The following SLC35F4 variants were observed in gnomAD, a reference collection of about 807,000 sequenced individuals.
The protein encoded by SLC35F4 is solute carrier family 35 member F4.
Under a neutral mutation model 44.2 loss-of-function variants are expected in SLC35F4, and 24 were observed. That is an observed-to-expected ratio of 0.54 (90% CI 0.39 to 0.76). SLC35F4 has a LOEUF of 0.76. SLC35F4 is among the 30% of genes least tolerant of loss of function. The pLI, the probability that SLC35F4 is intolerant of heterozygous loss-of-function variation, is 0.00. For missense variants in SLC35F4, 562 were observed against 586.1 expected (o/e 0.96, Z 0.42); for synonymous variants, 238 against 223.6 (o/e 1.06, Z -0.57).
At chr14:57,638,606 G>A (rs116114175) in intron 1 of SLC35F4, among the ~76,000 whole-genome samples, 1 of 152,032 alleles carries the variant, frequency 6.6e-6, no homozygotes, top group African/African-American at 2.4e-5. Context: ...AAGAAATAAA[G>A]TCTCCTTTCA....
intron 1 of SLC35F4, among the ~76,000 whole-genome samples, chr14:57,763,234 C>T (rs904722548): frequency 1.3e-5 from 2 of 152,042 alleles, no homozygotes; most frequent in Non-Finnish European, 2.9e-5. Context: ...TTTGATGATG[C>T]TTTCTGCCAA....
rs1594950796 is a variant in SLC35F4, at chr14:57,747,733, T to C, written c.103+117990A>G. Among the ~76,000 whole-genome samples, 3 of 152,338 alleles carry C rather than the reference T, an allele frequency of 2.0e-5. No individual in the cohort carries two copies. In the Middle Eastern group the frequency reaches 0.01, roughly 518 times the overall value. ...TACTATTATGCTACCTAAAAACATT[T>C]ATAGTAATTTCTTGATGTCATTAAA... On this transcript the variant is annotated intron_variant, in intron 1 of 7. Transcript: ENST00000556826.
intron 1 of SLC35F4, among the ~76,000 whole-genome samples, chr14:57,733,452 T>A (rs76858432): frequency 0.04 from 6,052 of 151,550 alleles, 145 homozygotes; most frequent in South Asian, 0.082. Context: ...AGAAAGATAT[T>A]TAATCAACCA....
intron 1 of SLC35F4, among the ~76,000 whole-genome samples, chr14:57,685,072 A>G (rs1018267652): frequency 6.6e-6 from 1 of 152,168 alleles, no homozygotes; most frequent in African/African-American, 2.4e-5. Context: ...ATAAAAGAGT[A>G]TATAAATATA....
chr14:57,632,012 T>C (rs1343361751), intron 1 of SLC35F4, among the ~76,000 whole-genome samples: 3 of 152,194 alleles, frequency 2.0e-5, no homozygotes, highest in Non-Finnish European at 4.4e-5. Context: ...TCTGAAATAC[T>C]GTTTGTGGAA....
chr14:57,758,445 A>T (rs1052557254), intron 1 of SLC35F4, among the ~76,000 whole-genome samples: 2 of 151,844 alleles, frequency 1.3e-5, no homozygotes, highest in Non-Finnish European at 2.9e-5. Flanking sequence ...GTAATATCTA[A>T]TTTGCCAATA....
At chr14:57,699,536 G>C (rs1214811480) in intron 1 of SLC35F4, among the ~76,000 whole-genome samples, 1 of 152,132 alleles carries the variant, frequency 6.6e-6, no homozygotes, top group Non-Finnish European at 1.5e-5. Context: ...TATTAAGCCA[G>C]GCCTCAAAGG....
At chr14:57,886,139 T>G (rs1457490938) in intron 1 of SLC35F4, among the ~76,000 whole-genome samples, 1 of 152,232 alleles carries the variant, frequency 6.6e-6, no homozygotes, top group Non-Finnish European at 1.5e-5. Context: ...TATTTAAGTC[T>G]AACAACTCCA....
rs144259524 is a variant in SLC35F4, at chr14:57,814,975, A to T, written c.103+50748T>A. ...GTTGGCAAGTTACAGCTCATGGGGC[A>T]AATCCAGCCATTCTTCTGTATTTGT... On this transcript the variant is annotated intron_variant, in intron 1 of 7. Coordinates refer to ENST00000556826, the MANE Select transcript of SLC35F4 (RefSeq NM_001306087.2). Among the ~76,000 whole-genome samples the T allele has an allele frequency of 7.0e-3, 1,064 of 152,316 alleles. 8 individuals carry two copies. The highest frequency in any genetic ancestry group is 0.011 in the Non-Finnish European group (755 of 68,024).
chr14:57,875,818 A>G (rs1283580862), intron 1 of SLC35F4, among the ~76,000 whole-genome samples: 1 of 152,174 alleles, frequency 6.6e-6, no homozygotes, highest in Non-Finnish European at 1.5e-5. Flanking sequence ...TGCTGCAAAC[A>G]ATTGTGGCCA....
rs185102699 is a variant in SLC35F4 at position 57,606,232 on chromosome 14, G to A, written c.104-12108C>T. 4.3e-3 allele frequency among the ~76,000 whole-genome samples: 567 copies of A among 131,818 alleles called. 3 individuals carry two copies. The highest frequency in any genetic ancestry group is 4.9e-3 in the Non-Finnish European group (292 of 59,774). 86.5% of individuals were successfully genotyped at this position (131,818 alleles called of 152,430 possible). A position where few individuals can be genotyped will look rare whatever the true frequency, so the allele number is the denominator to read the frequency against. On this transcript the variant is annotated intron_variant, in intron 1 of 7. Coordinates refer to ENST00000556826, the MANE Select transcript of SLC35F4 (RefSeq NM_001306087.2). ...CAGAGTATTAAACAAAGTTCCAAAT[G>A]TCATACCTTTGAATAAACATCTCTT...
intron 1 of SLC35F4, among the ~76,000 whole-genome samples, chr14:57,705,964 C>G (rs1178393893): frequency 6.6e-6 from 1 of 152,136 alleles, no homozygotes; most frequent in African/African-American, 2.4e-5. Flanking sequence ...GCCTAGTGCT[C>G]CACTCAATCC....
At chr14:57,821,307 A>G (rs963477950) in intron 1 of SLC35F4, among the ~76,000 whole-genome samples, 1 of 152,252 alleles carries the variant, frequency 6.6e-6, no homozygotes, top group Non-Finnish European at 1.5e-5. Context: ...ATAGAAAATT[A>G]TACTAGAATC....
At position 57,582,250 on chromosome 14, in the gene SLC35F4, C is replaced by T. The variant is rs116430060; in HGVS notation, c.588-817G>A. Among the ~76,000 whole-genome samples, 868 of 152,042 alleles carry T rather than the reference C, an allele frequency of 5.7e-3. 14 individuals are homozygous for T. The highest frequency in any genetic ancestry group is 0.019 in the African/African-American group (793 of 41,462). The stretch of plus-strand genomic sequence containing the variant: ...TGGCTCTCTTACCCAGGCTGGAATG[C>T]GGTAGCATGATCTTGGCTCACTGCA... On this transcript the variant is annotated intron_variant, in intron 3 of 7. Transcript: ENST00000556826.
chr14:57,970,501 C>G (rs1881021352), intron 1 of SLC35F4, among the ~76,000 whole-genome samples: 1 of 152,102 alleles, frequency 6.6e-6, no homozygotes, highest in Non-Finnish European at 1.5e-5. Context: ...ATGACCCAAA[C>G]AGAGGTACTA....
chr14:57,805,097 C>T (rs1210146472), intron 1 of SLC35F4, among the ~76,000 whole-genome samples: 1 of 151,908 alleles, frequency 6.6e-6, no homozygotes, highest in East Asian at 1.9e-4. Flanking sequence ...GTCAGAGTAG[C>T]TATTATTAAA....
intron 1 of SLC35F4, among the ~76,000 whole-genome samples, chr14:57,809,948 T>A (rs1233949310): frequency 4.6e-5 from 7 of 152,226 alleles, no homozygotes; most frequent in Non-Finnish European, 1.5e-5. Context: ...ACTTGTTTTT[T>A]TCCACTGTCT....
At chr14:57,584,241 T>TACTTCTAAATACAGTCCTTACCATCTAG (rs2069523030) in intron 3 of SLC35F4, among the ~76,000 whole-genome samples, 2 of 152,134 alleles carry the variant, frequency 1.3e-5, no homozygotes, top group Admixed American at 1.3e-4. Flanking sequence ...TATAAAAAAC[T>TACTTCTAAATACAGTCCTTACCATCTAG]ACTTCTAAAT....
intron 1 of SLC35F4, among the ~76,000 whole-genome samples, chr14:57,790,658 A>G: frequency 6.6e-6 from 1 of 152,216 alleles, no homozygotes; most frequent in East Asian, 1.9e-4. Flanking sequence ...GTAGAATCAA[A>G]AAAGAGCCCA....
Sources: gnomAD v4.1 joint callset for allele counts (sites outside exome capture counted in the v4.1 genomes callset) on GRCh38, gnomAD v4.1.1 for gene constraint, MANE v1.5 for transcripts, NCBI Gene and HGNC (gene_info 2026-07-23, HGNC 2026-07-21) for gene names.